The following SPATA6 variants were observed in gnomAD, a reference collection of about 807,000 sequenced individuals.
SPATA6 encodes the protein spermatogenesis associated 6, also known as spermatogenesis-associated protein 6.
Under a neutral mutation model 65.3 loss-of-function variants are expected in SPATA6, and 56 were observed. The observed-to-expected ratio is 0.86, with a 90% CI of 0.69 to 1.07. SPATA6 has a LOEUF of 1.07. SPATA6 is among the 50% of genes least tolerant of loss of function. The pLI, the probability that SPATA6 is intolerant of heterozygous loss-of-function variation, is 0.00. For missense variants in SPATA6, 590 were observed against 594.8 expected, an observed-to-expected ratio of 0.99 and a Z score of 0.08; for synonymous variants, 199 against 213.2, an observed-to-expected ratio of 0.93 and a Z score of 0.58.
At chr1:48,274,963 A>G in the SPATA6 span, among the ~76,000 whole-genome samples, 10 of 152,286 alleles carry the variant, frequency 6.6e-5, no homozygotes, top group Non-Finnish European at 1.5e-4. Context: ...GATTCTTCCT[A>G]TCCATGAGCA....
intron 1 of SPATA6, among the ~76,000 whole-genome samples, chr1:48,456,510 AG>A (rs531022850): frequency 8.7e-4 from 132 of 151,984 alleles, no homozygotes; most frequent in Non-Finnish European, 1.6e-3. Flanking sequence ...GAAAAAAAAA[AG>A]AGCAGTCAAT....
At chr1:48,346,130 C>T (rs1646358115) in intron 11 of SPATA6, among the ~76,000 whole-genome samples, 1 of 152,058 alleles carries the variant, frequency 6.6e-6, no homozygotes, top group Non-Finnish European at 1.5e-5. Flanking sequence ...AGCTTAGCCG[C>T]CACATTCAAG....
intron 1 of SPATA6, among the ~76,000 whole-genome samples, chr1:48,468,537 A>C (rs1222914198): frequency 2.0e-5 from 3 of 152,176 alleles, no homozygotes; most frequent in Admixed American, 6.5e-5. Flanking sequence ...CATTTCCATC[A>C]TCTCCTATAC....
chr1:48,316,179 C>G lies in SPATA6; in HGVS notation c.1195-10301G>C, dbSNP rs535332338. On this transcript the variant is annotated intron_variant, in intron 11 of 12. Transcript: ENST00000371847. The stretch of plus-strand genomic sequence containing the variant: ...ACTTTCTTCATAGAATTGGAAAAAA[C>G]TACTTTAAAGTTCATATGGAAACAA... Among the ~76,000 whole-genome samples the G allele has an allele frequency of 4.3e-3, 655 of 152,266 alleles. 5 individuals are homozygous for G. Among genetic ancestry groups the G allele is most frequent in the African/African-American group, 0.015 (638 of 41,552 alleles).
At chr1:48,367,552 G>C (rs1206424134) in intron 9 of SPATA6, among the ~76,000 whole-genome samples, 4 of 152,076 alleles carry the variant, frequency 2.6e-5, no homozygotes, top group Admixed American at 2.0e-4. Flanking sequence ...ATTATGTAAT[G>C]GCCTTCTTTG....
At chr1:48,408,777 A>T (rs1246303105) in intron 5 of SPATA6, among the ~76,000 whole-genome samples, 1 of 152,184 alleles carries the variant, frequency 6.6e-6, no homozygotes, top group Admixed American at 6.6e-5. Flanking sequence ...GCTTGTGCAA[A>T]GAAATTCCCA....
intron 9 of SPATA6, among the ~76,000 whole-genome samples, chr1:48,373,126 C>G (rs1570356924): frequency 6.6e-6 from 1 of 152,340 alleles, no homozygotes; most frequent in Admixed American, 6.5e-5. Flanking sequence ...ACAGGTTTCT[C>G]TTTTCTATCG....
At chr1:48,363,370 A>G (rs138222667) in intron 9 of SPATA6, among the ~76,000 whole-genome samples, 115 of 152,250 alleles carry the variant, frequency 7.6e-4, no homozygotes, top group African/African-American at 2.5e-3. Context: ...CTTCAATAAT[A>G]CTGGCTTAGA....
At chr1:48,387,850 C>T (rs1030798367) in intron 8 of SPATA6, among the ~76,000 whole-genome samples, 17 of 152,188 alleles carry the variant, frequency 1.1e-4, no homozygotes, top group African/African-American at 2.2e-4. Flanking sequence ...CACACCTAGA[C>T]GATCTCAGCC....
chr1:48,345,368 T>C (rs553086732), intron 11 of SPATA6, among the ~76,000 whole-genome samples: 140 of 152,248 alleles, frequency 9.2e-4, no homozygotes, highest in African/African-American at 3.2e-3. Flanking sequence ...TTTATAGAAC[T>C]AGATGCCCAC....
At chr1:48,264,059 G>A in the SPATA6 span, among the ~76,000 whole-genome samples, 3 of 152,018 alleles carry the variant, frequency 2.0e-5, no homozygotes, top group Non-Finnish European at 4.4e-5. Flanking sequence ...TTTTCTTTAT[G>A]TCATCCAGTG....
intron 8 of SPATA6, among the ~76,000 whole-genome samples, chr1:48,385,888 T>A (rs1174433858): frequency 6.6e-6 from 1 of 152,160 alleles, no homozygotes; most frequent in Admixed American, 6.5e-5. Flanking sequence ...AAGTCTCAGA[T>A]TCCTAATATG....
chr1:48,300,311 C>G (rs1305105771), intron 12 of SPATA6, among the ~76,000 whole-genome samples: 1 of 152,104 alleles, frequency 6.6e-6, no homozygotes. Context: ...CCTTCCAGGC[C>G]TGTTAGAGAT....
intron 3 of SPATA6, among the ~76,000 whole-genome samples, chr1:48,439,505 G>A (rs1570582284): frequency 2.0e-5 from 3 of 152,122 alleles, no homozygotes; most frequent in Non-Finnish European, 4.4e-5. Context: ...ATCAGTGAGT[G>A]CAACTAGTCC....
rs370696637 is a variant in SPATA6 at position 48,319,271 on chromosome 1, A to G, written c.1195-13393T>C. On this transcript the variant is annotated intron_variant, in intron 11 of 12. Transcript: ENST00000371847. ...AACATAGAAAAGTTGGATTTCATCAAAATTTTAAAAACTTTTATGCTTCAA... is the reference window on the plus strand; with the variant it reads ...AACATAGAAAAGTTGGATTTCATCAGAATTTTAAAAACTTTTATGCTTCAA... Among the ~76,000 whole-genome samples, 3 of 152,202 alleles carry G rather than the reference A, an allele frequency of 2.0e-5. No homozygotes were observed. In the East Asian group the frequency reaches 5.8e-4, roughly 29 times the overall value.
chr1:48,282,335 G>T, the SPATA6 span, among the ~76,000 whole-genome samples: 1 of 152,084 alleles, frequency 6.6e-6, no homozygotes, highest in African/African-American at 2.4e-5. Context: ...TTGACAAATG[G>T]GATCTAATTA....
intron 6 of SPATA6, chr1:48,400,795 C>G: frequency 1.5e-6 from 2 of 1,297,290 alleles, no homozygotes; most frequent in Non-Finnish European, 2.0e-6. Context: ...ATTACTCCAT[C>G]TTTCCTTCTT....
chr1:48,279,760 T>A, the SPATA6 span, among the ~76,000 whole-genome samples: 1 of 152,122 alleles, frequency 6.6e-6, no homozygotes, highest in African/African-American at 2.4e-5. Context: ...CCTGTCAACA[T>A]TAGACAGATC....
chr1:48,298,942 G>C, intron 12 of SPATA6, 49 bp from the exon 13 acceptor site: 1 of 1,557,032 alleles, frequency 6.4e-7, no homozygotes, highest in Non-Finnish European at 8.8e-7. Context: ...AACAAAATTA[G>C]AGATAGTACT....
Sources: allele counts gnomAD v4.1 joint callset (sites outside exome capture counted in the v4.1 genomes callset), GRCh38; gene constraint gnomAD v4.1.1; transcripts MANE v1.5; gene names NCBI Gene and HGNC (gene_info 2026-07-23, HGNC 2026-07-21).